The following MYO15A variants were observed in gnomAD, a reference collection of about 807,000 sequenced individuals.
The protein encoded by MYO15A is myosin XVA, also known as unconventional myosin-XV.
MYO15A carries 308 observed loss-of-function variants against 394.6 expected under a neutral mutation model. The observed-to-expected ratio is 0.78, with a 90% CI of 0.71 to 0.86. The LOEUF is 0.86. MYO15A is among the 40% of genes least tolerant of loss of function. The probability of loss-of-function intolerance (pLI) is 0.00; values close to 1 mark genes in which losing one functional copy is unlikely to be tolerated. For synonymous variants in MYO15A, 1,957 were observed against 2,003.8 expected (o/e 0.98, Z 0.62); for missense variants, 4,606 against 4,799.1 (o/e 0.96, Z 1.19).
rs886052674 is a variant in MYO15A, at chr17:18,138,861, C to A, written c.5058C>A (p.Asn1686Lys). Residue 1686 changes from asparagine (N) to lysine (K), a missense_variant, in exon 18 of 66, where the codon AAC becomes AAA. This residue lies in a region of MYO15A where 2,776 missense variants were observed against 3,109.3 expected (regional missense o/e 0.89). Transcript: ENST00000647165. ...AGTGCCACTACCATCATGGCGCCAA[C>A]CCGCTCTATTCCAAACCCAAGATGC... ...LQKCHYHHGA[N>K]PLYSKPKMPL... 7 of 1,613,798 alleles carry A rather than the reference C, an allele frequency of 4.3e-6. No homozygotes were observed. The highest frequency in any genetic ancestry group is 5.9e-6 in the Non-Finnish European group (7 of 1,179,904).
intron 4 of MYO15A, 70 bp from the exon 5 acceptor site, chr17:18,126,277 A>G: frequency 7.8e-7 from 1 of 1,278,986 alleles, no homozygotes; most frequent in Non-Finnish European, 1.1e-6. Context: ...CCAGGCTCCC[A>G]GCATAGGGGA....
chr17:18,116,355 G>A (rs1160300370), intron 1 of MYO15A, among the ~76,000 whole-genome samples: 1 of 152,276 alleles, frequency 6.6e-6, no homozygotes, highest in African/African-American at 2.4e-5. Context: ...TGACCCAGGA[G>A]CTCAGCGGGC....
At chr17:18,164,627 G>A (rs1453107751) in intron 60 of MYO15A, 1 of 152,240 alleles carries the variant, frequency 6.6e-6, no homozygotes, top group Non-Finnish European at 1.5e-5. Flanking sequence ...ATCTCTTGAG[G>A]CCAGGAGTTT....
chr17:18,120,432 C>T lies in MYO15A; in HGVS notation c.1632C>T (p.Arg544=), dbSNP rs752316162. Reference sequence around the variant, plus strand: ...CGCCGCGCCAGCGCAACCTCCAGCGCGCGCTGTCGGCCTTCGGCGCCCACC... The same window carrying T: ...CGCCGCGCCAGCGCAACCTCCAGCGTGCGCTGTCGGCCTTCGGCGCCCACC... The part of the protein sequence containing the change: ...FLTPRQRNLQ[R]ALSAFGAHRG... The change falls in exon 2 of 66, where the codon CGC becomes CGT. Residue 544 remains arginine (R), a synonymous_variant. Transcript: ENST00000647165. The T allele has an allele frequency of 1.3e-6, 2 of 1,592,644 alleles. No individual in the cohort carries two copies. Among genetic ancestry groups the T allele is most frequent in the Admixed American group, 1.7e-5 (1 of 57,698 alleles).
intron 29 of MYO15A, among the ~76,000 whole-genome samples, chr17:18,144,800 CAAAAAA>C (rs35437143): frequency 6.1e-4 from 71 of 117,086 alleles, no homozygotes; most frequent in African/African-American, 2.1e-3. Flanking sequence ...ATCTTCCTGG[CAAAAAA>C]AAAAAAAAAA....
intron 4 of MYO15A, 85 bp from the exon 5 acceptor site, chr17:18,126,260 CAG>C (rs2046036560): frequency 2.6e-5 from 29 of 1,136,770 alleles, no homozygotes; most frequent in Middle Eastern, 2.0e-4. Context: ...CGGATGGAAA[CAG>C]GGAGCCAGGC....
chr17:18,150,992 A>T lies in MYO15A; in HGVS notation c.7473+79A>T. 6.2e-7 allele frequency: 1 copy of T among 1,606,334 alleles called. No homozygotes were observed. Among genetic ancestry groups the T allele is most frequent in the Non-Finnish European group, 8.5e-7 (1 of 1,177,192 alleles). On this transcript the variant is annotated intron_variant, in intron 38 of 65. Coordinates refer to ENST00000647165, the MANE Select transcript of MYO15A (RefSeq NM_016239.4). The surrounding 1 kb of genome is among the most constrained non-coding windows in gnomAD (Gnocchi z 4.4). ...GAGGAATGCTGTGCTGCTCCAGGGC[A>T]CTATTGTGCCTCTTTGAGCCCAGGA... is the stretch of plus-strand genomic sequence containing the variant.
At position 18,166,525 on chromosome 17, in the gene MYO15A, A is replaced by T; in HGVS notation, c.9948+4A>T. 6.2e-7 allele frequency: 1 copy of T among 1,612,342 alleles called. No homozygotes were observed. The highest frequency in any genetic ancestry group is 8.5e-7 in the Non-Finnish European group (1 of 1,180,020). On this transcript the variant is annotated splice_donor_region_variant and intron_variant, in intron 61 of 65. Coordinates refer to ENST00000647165, the MANE Select transcript of MYO15A (RefSeq NM_016239.4). ...TGTGACCATGCACTACAACCAGGTCAGCACACGTAGGCTTCTCTGGACTCT... is the reference window on the plus strand; with the variant it reads ...TGTGACCATGCACTACAACCAGGTCTGCACACGTAGGCTTCTCTGGACTCT...
At position 18,120,394 on chromosome 17, in the gene MYO15A, T is replaced by G; in HGVS notation, c.1594T>G (p.Trp532Gly). 6.2e-7 allele frequency: 1 copy of G among 1,609,926 alleles called. No homozygotes were observed. The highest frequency in any genetic ancestry group is 1.1e-5 in the South Asian group (1 of 90,968). ...VSAVPYGHPF[W>G]GFLTPRQRNL... ...CGCTGTGCCCTACGGCCACCCTTTC[T>G]GGGGCTTCCTCACGCCGCGCCAGCG... The change falls in exon 2 of 66, where the codon TGG (tryptophan) becomes GGG (glycine). Residue 532 changes from tryptophan to glycine, a missense_variant. By Grantham distance (184) the Trp-to-Gly change is radical. Transcript: ENST00000647165.
rs1052429631 is a variant in MYO15A at position 18,150,293 on chromosome 17, C to G, written c.7213-136C>G. ...GCCATAGGGGTAAAGGCTGAGCATA[C>G]AGCAGACACTGAGCCAGTGGGAGGC... is the stretch of plus-strand genomic sequence containing the variant. On this transcript the variant is annotated intron_variant, in intron 35 of 65. Transcript: ENST00000647165. This position sits in a 1 kb window ranked among gnomAD's most constrained non-coding sequence, Gnocchi z 4.4. The G allele has an allele frequency of 4.3e-4, 328 of 769,242 alleles. 2 individuals are homozygous for G. Among genetic ancestry groups the G allele is most frequent in the South Asian group, 1.0e-4 (7 of 69,000 alleles). 47.7% of individuals were successfully genotyped at this position (769,242 alleles called of 1,614,324 possible). A position where few individuals can be genotyped will look rare whatever the true frequency, so the allele number is the denominator to read the frequency against.
chr17:18,130,082 T>C (rs964170717), intron 7 of MYO15A, among the ~76,000 whole-genome samples: 3 of 152,162 alleles, frequency 2.0e-5, no homozygotes, highest in African/African-American at 7.2e-5. Context: ...TGTTTCACCA[T>C]GTTGGTCAGG....
At chr17:18,152,206 G>A in intron 42 of MYO15A, 22 bp downstream of exon 42, 4 of 1,540,818 alleles carry the variant, frequency 2.6e-6, no homozygotes, top group Non-Finnish European at 3.5e-6. Flanking sequence ...AGGAGGGAGG[G>A]AGGGGAGGGT....
In MYO15A at chr17:18,172,177, A is replaced by G. The variant is rs1193635941; in HGVS notation, c.10237A>G (p.Met3413Val). The G allele has an allele frequency of 7.4e-6, 12 of 1,613,938 alleles. No homozygotes were observed. Among genetic ancestry groups the G allele is most frequent in the South Asian group, 2.2e-5 (2 of 91,074 alleles). The change falls in exon 64 of 66, where the codon ATG (methionine) becomes GTG (valine). Residue 3413 changes from methionine to valine, a missense_variant. Physicochemically the swap from Met to Val is conservative, Grantham distance 21 (BLOSUM62 1). Around this residue, in one of 2 missense-constraint regions of MYO15A, gnomAD observed 2,776 missense variants for 3,109.3 expected, o/e 0.89. Coordinates refer to ENST00000647165, the MANE Select transcript of MYO15A (RefSeq NM_016239.4). ...CCCAGGCCTCCTCAGCGCCTTACCT[A>G]TGTTCGGCTCCTCCTTCTTCTTCAT... ...QFLGLLSALP[M>V]FGSSFFFIQS...
intron 55 of MYO15A, 22 bp downstream of exon 55, chr17:18,159,701 A>G (rs779744168): frequency 6.2e-7 from 1 of 1,613,142 alleles, no homozygotes; most frequent in Non-Finnish European, 8.5e-7. Context: ...CAACTTTGCC[A>G]GATGCCCCCT....
At chr17:18,138,068 C>A in intron 16 of MYO15A, 47 bp from the exon 17 acceptor site, 2 of 1,598,358 alleles carry the variant, frequency 1.3e-6, no homozygotes, top group African/African-American at 1.3e-5. Flanking sequence ...GTGGGTGGGC[C>A]CTGGACAGGG....
rs1175689990 is a variant in MYO15A, at chr17:18,148,723, CTG to C, written c.6765-36_6765-35del. The C allele has an allele frequency of 1.3e-6, 2 of 1,567,762 alleles. 1 individual carries two copies. The highest frequency in any genetic ancestry group is 2.3e-5 in the South Asian group (2 of 85,814). On this transcript the variant is annotated intron_variant, in intron 32 of 65. Coordinates refer to ENST00000647165, the MANE Select transcript of MYO15A (RefSeq NM_016239.4). This position sits in a 1 kb window ranked among gnomAD's most constrained non-coding sequence, Gnocchi z 4.8. ...TCTCCCCAGGTAGTGCCTGATGACT[CTG>C]TCCCTCATTTCCATTCCTGTGCATG...
At chr17:18,116,802 C>G (rs917598398) in intron 1 of MYO15A, among the ~76,000 whole-genome samples, 9 of 152,022 alleles carry the variant, frequency 5.9e-5, no homozygotes, top group African/African-American at 1.9e-4. Flanking sequence ...TGCCTGTAAT[C>G]CAAGATATTT....
Position 18,139,603 on chromosome 17 carries a change from C to T in MYO15A, c.5203C>T (p.Arg1735Trp), listed in dbSNP as rs778354646. The change falls in exon 19 of 66, where the codon CGG (arginine) becomes TGG (tryptophan). Residue 1735 changes from arginine to tryptophan, a missense_variant. Physicochemically the swap from Arg to Trp is moderately radical, Grantham distance 101 (BLOSUM62 -3). Coordinates refer to ENST00000647165, the MANE Select transcript of MYO15A (RefSeq NM_016239.4). The part of the protein sequence containing the change: ...QDVLDLFVRS[R>W]TRVVAHLFSS... ...TGTGCTGGACCTGTTCGTACGGAGC[C>T]GGACACGGGTAAGCCTCGCCTCCCA... 3.1e-6 allele frequency: 5 copies of T among 1,613,872 alleles called. No homozygotes were observed. The highest frequency in any genetic ancestry group is 2.2e-5 in the South Asian group (2 of 91,072).
chr17:18,143,467 C>T, intron 25 of MYO15A, 99 bp from the exon 26 acceptor site: 1 of 1,387,026 alleles, frequency 7.2e-7, no homozygotes. Context: ...GCCCCCCTTG[C>T]TTGAGTGTGG....
Sources: allele counts gnomAD v4.1 joint callset (sites outside exome capture counted in the v4.1 genomes callset), GRCh38; gene constraint gnomAD v4.1.1; regional missense constraint gnomAD v4.1.1; non-coding constraint Gnocchi (gnomAD v3.1); transcripts MANE v1.5; gene names NCBI Gene and HGNC (gene_info 2026-07-23, HGNC 2026-07-21).